Variants in ZFHX4 observed in about 807,000 individuals in gnomAD.
The protein encoded by ZFHX4 is zinc finger homeobox protein 4.
In ZFHX4, 56 loss-of-function variants were observed where a neutral mutation model predicts 267.6. The observed-to-expected ratio is 0.21, with a 90% CI of 0.17 to 0.26. The LOEUF (loss-of-function observed/expected upper bound fraction) is 0.26. Ranked by LOEUF, ZFHX4 falls within the 10% of genes least tolerant of loss-of-function variation. The pLI, the probability that ZFHX4 is intolerant of heterozygous loss-of-function variation, is 1.00. For missense variants in ZFHX4, 4,332 were observed against 4,420.0 expected (o/e 0.98, Z 0.56); for synonymous variants, 1,778 against 1,665.6 (o/e 1.07, Z -1.64).
intron 3 of ZFHX4, among the ~76,000 whole-genome samples, chr8:76,723,106 G>C (rs1030870109): frequency 6.6e-6 from 1 of 152,024 alleles, no homozygotes; most frequent in Admixed American, 6.6e-5. Context: ...AAAAGGAACT[G>C]TGTATTACAC....
chr8:76,761,412 T>C (rs1490795940), intron 3 of ZFHX4, among the ~76,000 whole-genome samples: 1 of 152,240 alleles, frequency 6.6e-6, no homozygotes, highest in Non-Finnish European at 1.5e-5. Flanking sequence ...GGGTGCAAGC[T>C]TATGGCTGCT....
At chr8:76,779,194 T>C (rs2131775128) in intron 4 of ZFHX4, among the ~76,000 whole-genome samples, 1 of 152,278 alleles carries the variant, frequency 6.6e-6, no homozygotes, top group South Asian at 2.1e-4. Flanking sequence ...TCAAAGGTGG[T>C]TCAGGGTTTG....
intron 3 of ZFHX4, among the ~76,000 whole-genome samples, chr8:76,751,010 T>C (rs7841528): frequency 0.28 from 42,605 of 152,028 alleles, 8,187 homozygotes; most frequent in African/African-American, 0.54. Flanking sequence ...TCTATATTGA[T>C]TAATAGGAAT....
In ZFHX4 at chr8:76,852,913, T is replaced by C. The variant is rs749641980; in HGVS notation, c.5992T>C (p.Ser1998Pro). 6.2e-7 allele frequency: 1 copy of C among 1,609,746 alleles called. No individual in the cohort carries two copies. Among genetic ancestry groups the C allele is most frequent in the Non-Finnish European group, 8.5e-7 (1 of 1,177,734 alleles). ...TGACAAGCTTTATCCAATTTCTCCA[T>C]CTTCTCCAGAAACGCCGCCCCCGCC... ...AYDKLYPISP[S>P]SPETPPPPPP... Residue 1998 changes from serine to proline, a missense_variant, in exon 10 of 11, where the codon TCT (serine) becomes CCT (proline). Ser to Pro is a moderately conservative substitution (Grantham distance 74, BLOSUM62 -1). This residue lies in a region of ZFHX4 where 1,371 missense variants were observed against 1,423.1 expected (regional missense o/e 0.96). Transcript: ENST00000651372.
intron 3 of ZFHX4, among the ~76,000 whole-genome samples, chr8:76,734,523 A>G (rs1482789227): frequency 1.3e-5 from 2 of 152,170 alleles, no homozygotes; most frequent in Admixed American, 1.3e-4. Flanking sequence ...TTTCTTTAGA[A>G]TGAAAATTAA....
intron 3 of ZFHX4, among the ~76,000 whole-genome samples, chr8:76,768,832 A>G (rs1317893674): frequency 6.6e-6 from 1 of 152,224 alleles, no homozygotes; most frequent in Non-Finnish European, 1.5e-5. Context: ...ATGAAATAAT[A>G]GAAGGGGGCT....
At chr8:76,765,079 T>C (rs142699253) in intron 3 of ZFHX4, among the ~76,000 whole-genome samples, 155 of 152,284 alleles carry the variant, frequency 1.0e-3, no homozygotes, top group African/African-American at 3.5e-3. Context: ...TAGAAAGTCA[T>C]GAGCTGTCAT....
In ZFHX4 at chr8:76,754,685, A is replaced by G. The variant is rs187076007; in HGVS notation, c.3094-23523A>G. ...ATATTTATTACCTCAAACATTTGTC[A>G]TTTATTTGTGTTGAGAACGTTCAAA... On this transcript the variant is annotated intron_variant, in intron 3 of 10. Transcript: ENST00000651372. Among the ~76,000 whole-genome samples the G allele has an allele frequency of 7.0e-3, 1,064 of 152,276 alleles. 7 individuals are homozygous for G. Among genetic ancestry groups the G allele is most frequent in the South Asian group, 0.024 (114 of 4,828 alleles).
intron 3 of ZFHX4, among the ~76,000 whole-genome samples, chr8:76,777,202 A>G (rs1037023154): frequency 1.3e-5 from 2 of 152,190 alleles, no homozygotes; most frequent in Non-Finnish European, 2.9e-5. Flanking sequence ...TATGGAATTG[A>G]ACTACCCCAA....
chr8:76,778,461 T>G (rs747248932), intron 4 of ZFHX4, 22 bp downstream of exon 4: 3 of 1,592,934 alleles, frequency 1.9e-6, no homozygotes, highest in Admixed American at 3.3e-5. Context: ...TGAAGAGGGC[T>G]GTCTCTGAGC....
intron 4 of ZFHX4, among the ~76,000 whole-genome samples, chr8:76,828,414 G>C (rs1374032600): frequency 9.9e-5 from 15 of 152,256 alleles, no homozygotes; most frequent in African/African-American, 3.6e-4. Context: ...CTGCTGCCCT[G>C]TGCCTTTAGA....
At chr8:76,805,245 C>T (rs528740532) in intron 4 of ZFHX4, among the ~76,000 whole-genome samples, 66 of 152,078 alleles carry the variant, frequency 4.3e-4, no homozygotes, top group African/African-American at 1.1e-3. Flanking sequence ...TGGCATATGG[C>T]GCATAACCAA....
At chr8:76,820,292 A>AT (rs1397257920) in intron 4 of ZFHX4, among the ~76,000 whole-genome samples, 1 of 152,018 alleles carries the variant, frequency 6.6e-6, no homozygotes, top group Non-Finnish European at 1.5e-5. Context: ...TATTTTGCAC[A>AT]TTTTTTTACT....
intron 10 of ZFHX4, among the ~76,000 whole-genome samples, chr8:76,856,840 T>A (rs908541845): frequency 6.6e-6 from 1 of 152,204 alleles, no homozygotes; most frequent in Admixed American, 6.5e-5. Context: ...TAATAGGACT[T>A]ATGTTTGAAG....
intron 3 of ZFHX4, among the ~76,000 whole-genome samples, chr8:76,744,989 T>G (rs1304378947): frequency 6.6e-6 from 1 of 152,188 alleles, no homozygotes; most frequent in East Asian, 1.9e-4. Context: ...CAAGTCAGTG[T>G]AGGAATTGCT....
chr8:76,681,466 T>C lies in ZFHX4; in HGVS notation c.-201T>C, dbSNP rs1445585646. 5.0e-6 allele frequency: 2 copies of C among 398,504 alleles called. No homozygotes were observed. The highest frequency in any genetic ancestry group is 4.4e-5 in the Admixed American group (1 of 22,680). The allele number at this position is 398,504 out of a possible 1,614,324, so 24.7% of individuals were successfully genotyped here. A position where few individuals can be genotyped will look rare whatever the true frequency, so the allele number is the denominator to read the frequency against. On this transcript the variant is annotated 5_prime_UTR_variant, in exon 1 of 11. Coordinates refer to ENST00000651372, the MANE Select transcript of ZFHX4 (RefSeq NM_024721.5). Reference sequence around the variant, plus strand: ...CCCCCACTTTCTGCTCCAGCGTTTTTATTTTCACCCAATAAAGTTCGAGGA... The same window carrying C: ...CCCCCACTTTCTGCTCCAGCGTTTTCATTTTCACCCAATAAAGTTCGAGGA...
intron 3 of ZFHX4, among the ~76,000 whole-genome samples, chr8:76,720,408 C>T (rs1185969094): frequency 6.6e-6 from 1 of 152,098 alleles, no homozygotes; most frequent in Non-Finnish European, 1.5e-5. Context: ...ATTTATACCC[C>T]ATTAATTGCT....
At chr8:76,698,641 G>T (rs946685049) in intron 1 of ZFHX4, among the ~76,000 whole-genome samples, 5 of 151,136 alleles carry the variant, frequency 3.3e-5, no homozygotes, top group Non-Finnish European at 7.4e-5. Flanking sequence ...TTACAGAGAA[G>T]AAAACAAATC....
chr8:76,782,241 A>G (rs1362387996), intron 4 of ZFHX4: 1 of 422,930 alleles, frequency 2.4e-6, no homozygotes, highest in Admixed American at 2.6e-5. Context: ...GATGTGAGGA[A>G]TTTCTGGAGA....
Sources: gnomAD v4.1 joint callset for allele counts (sites outside exome capture counted in the v4.1 genomes callset) on GRCh38, gnomAD v4.1.1 for gene constraint, gnomAD v4.1.1 regional missense constraint, MANE v1.5 for transcripts, NCBI Gene and HGNC (gene_info 2026-07-23, HGNC 2026-07-21) for gene names.